FBXW8: variants seen among roughly 807,000 people sequenced by gnomAD.
FBXW8 encodes the protein F-box and WD repeat domain containing 8.
FBXW8 carries 57 observed loss-of-function variants against 65.3 expected under a neutral mutation model. The observed-to-expected ratio is 0.87, with a 90% CI of 0.71 to 1.09. FBXW8 has a LOEUF of 1.09. FBXW8 is among the 50% of genes least tolerant of loss of function. FBXW8 has a pLI of 0.00. For missense variants in FBXW8, 777 were observed against 814.8 expected (o/e 0.95, Z 0.57); for synonymous variants, 308 against 330.2 (o/e 0.93, Z 0.73).
chr12:116,953,219 A>G (rs1883398333), intron 4 of FBXW8, among the ~76,000 whole-genome samples: 1 of 152,156 alleles, frequency 6.6e-6, no homozygotes, highest in African/African-American at 2.4e-5. Flanking sequence ...TAGTTTTCTC[A>G]GTTTAGAATC....
At chr12:117,024,648 T>C (rs1367293632) in intron 9 of FBXW8, among the ~76,000 whole-genome samples, 1 of 152,174 alleles carries the variant, frequency 6.6e-6, no homozygotes, top group Non-Finnish European at 1.5e-5. Context: ...TTAGGATTTC[T>C]CCATCTTAAT....
intron 7 of FBXW8, among the ~76,000 whole-genome samples, chr12:117,003,509 T>C (rs1033208299): frequency 6.6e-6 from 1 of 152,230 alleles, no homozygotes; most frequent in Non-Finnish European, 1.5e-5. Context: ...AGCATCTGGA[T>C]TCTTTTATGC....
chr12:116,946,339 C>A (rs1001542420), intron 3 of FBXW8, among the ~76,000 whole-genome samples: 2 of 152,192 alleles, frequency 1.3e-5, no homozygotes. Context: ...TACGCTTGAT[C>A]TGGGCAACCT....
At chr12:117,020,903 G>T (rs1954078040) in intron 8 of FBXW8, among the ~76,000 whole-genome samples, 1 of 152,226 alleles carries the variant, frequency 6.6e-6, no homozygotes, top group Non-Finnish European at 1.5e-5. Context: ...TCAACATGTT[G>T]TCTGAAACAG....
chr12:116,975,460 G>T (rs1884865696), intron 5 of FBXW8, among the ~76,000 whole-genome samples: 1 of 152,124 alleles, frequency 6.6e-6, no homozygotes, highest in Non-Finnish European at 1.5e-5. Context: ...CATCCCAAAG[G>T]TCTCATTTCC....
intron 1 of FBXW8, among the ~76,000 whole-genome samples, chr12:116,920,679 G>A (rs953175241): frequency 6.6e-6 from 1 of 152,086 alleles, no homozygotes; most frequent in African/African-American, 2.4e-5. Context: ...AGGCCAAGAC[G>A]GGCAAGTGCA....
At chr12:117,006,842 T>C (rs1011450631) in intron 7 of FBXW8, among the ~76,000 whole-genome samples, 1 of 152,268 alleles carries the variant, frequency 6.6e-6, no homozygotes, top group African/African-American at 2.4e-5. Flanking sequence ...CACAGCATTA[T>C]TTATTTTATC....
intron 7 of FBXW8, among the ~76,000 whole-genome samples, chr12:116,993,696 G>T (rs1228217391): frequency 6.6e-6 from 1 of 152,088 alleles, no homozygotes; most frequent in Non-Finnish European, 1.5e-5. Context: ...TCTGTGGGTT[G>T]TCTGTTTACT....
intron 2 of FBXW8, among the ~76,000 whole-genome samples, chr12:116,928,662 C>T (rs1676067093): frequency 6.6e-6 from 1 of 152,108 alleles, no homozygotes; most frequent in African/African-American, 2.4e-5. Context: ...TCAATGTCAC[C>T]CGTCTCACAC....
At chr12:116,983,937 A>G (rs11068276) in intron 5 of FBXW8, among the ~76,000 whole-genome samples, 83,003 of 152,058 alleles carry the variant, frequency 0.55, 26,653 homozygotes, top group Admixed American at 0.7. Flanking sequence ...GCTGTTAAGC[A>G]GCTCCCCTAA....
In FBXW8 at chr12:116,931,458, C is replaced by CT. The variant is rs150432450; in HGVS notation, c.423+3334dup. Among the ~76,000 whole-genome samples the CT allele has an allele frequency of 3.4e-4, 52 of 152,112 alleles. No homozygotes were observed. The East Asian group carries it at 9.3e-3, about 27-fold the overall frequency. On this transcript the variant is annotated intron_variant, in intron 2 of 10. Coordinates refer to ENST00000652555, the MANE Select transcript of FBXW8 (RefSeq NM_153348.3). ...TTTTATAGAGATTGCATTTCACTCA[C>CT]TTTGAGTAGTATGGACATTTTGATA...
chr12:117,015,391 G>C (rs550386707), intron 8 of FBXW8, among the ~76,000 whole-genome samples: 1 of 152,240 alleles, frequency 6.6e-6, no homozygotes, highest in African/African-American at 2.4e-5. Flanking sequence ...GTTCTGGCCA[G>C]AATCAGAACG....
At chr12:116,983,543 A>G (rs1885461981) in intron 5 of FBXW8, among the ~76,000 whole-genome samples, 1 of 152,230 alleles carries the variant, frequency 6.6e-6, no homozygotes, top group South Asian at 2.1e-4. Context: ...CTCTATATTT[A>G]TTTAGTGCTG....
chr12:116,957,012 T>G (rs1883688594), intron 4 of FBXW8, among the ~76,000 whole-genome samples: 1 of 151,962 alleles, frequency 6.6e-6, no homozygotes, highest in South Asian at 2.1e-4. Context: ...AATACCTTGC[T>G]TTTAGCTATG....
intron 7 of FBXW8, among the ~76,000 whole-genome samples, chr12:116,993,527 G>T (rs1265819032): frequency 1.3e-5 from 2 of 152,048 alleles, no homozygotes; most frequent in Non-Finnish European, 2.9e-5. Flanking sequence ...TTGGCAATTT[G>T]TATATATTCT....
At chr12:116,942,781 T>TTTC (rs1163573625) in intron 2 of FBXW8, among the ~76,000 whole-genome samples, 2 of 139,664 alleles carry the variant, frequency 1.4e-5, no homozygotes, top group African/African-American at 5.4e-5. Context: ...TTTTTTTTTT[T>TTTC]TTTTTTTTTT....
intron 4 of FBXW8, among the ~76,000 whole-genome samples, chr12:116,962,119 C>T (rs1479254575): frequency 1.3e-5 from 2 of 152,184 alleles, no homozygotes; most frequent in African/African-American, 4.8e-5. Flanking sequence ...AATTCAGACA[C>T]AGGCTAGCTT....
At chr12:116,983,097 C>T (rs1444378074) in intron 5 of FBXW8, among the ~76,000 whole-genome samples, 2 of 152,168 alleles carry the variant, frequency 1.3e-5, no homozygotes, top group East Asian at 1.9e-4. Context: ...ACACACGAGT[C>T]TCTGAAGACT....
At chr12:116,968,816 A>G (rs1884478839) in intron 5 of FBXW8, among the ~76,000 whole-genome samples, 1 of 152,098 alleles carries the variant, frequency 6.6e-6, no homozygotes, top group African/African-American at 2.4e-5. Flanking sequence ...GAAAGGTTAA[A>G]TTAAAAAAAA....
Sources: gnomAD v4.1 joint callset for allele counts (sites outside exome capture counted in the v4.1 genomes callset) on GRCh38, gnomAD v4.1.1 for gene constraint, MANE v1.5 for transcripts, NCBI Gene and HGNC (gene_info 2026-07-23, HGNC 2026-07-21) for gene names.